Variants in DHX9 observed in about 807,000 individuals in gnomAD.
DHX9 encodes DExH-box helicase 9, also known as ATP-dependent RNA helicase A.
Under a neutral mutation model 148.7 loss-of-function variants are expected in DHX9, and 27 were observed. The observed-to-expected ratio is 0.18, with a 90% CI of 0.13 to 0.25. The LOEUF is 0.25. Among genes scored for constraint, DHX9 ranks in the 10% least tolerant of loss-of-function variants. The probability of loss-of-function intolerance (pLI) is 1.00; values close to 1 mark genes in which losing one functional copy is unlikely to be tolerated. For missense variants in DHX9, 796 were observed against 1,559.6 expected, an observed-to-expected ratio of 0.51 and a Z score of 8.25; for synonymous variants, 529 against 516.6, an observed-to-expected ratio of 1.02 and a Z score of -0.33.
chr1:182,849,781 C>G (rs1668098071), intron 3 of DHX9, among the ~76,000 whole-genome samples: 1 of 152,022 alleles, frequency 6.6e-6, no homozygotes, highest in South Asian at 2.1e-4. Context: ...TTTCTCTGTA[C>G]TGCCTCTACA....
chr1:182,856,472 C>G, intron 6 of DHX9, 60 bp from the exon 7 acceptor site: 2 of 1,491,912 alleles, frequency 1.3e-6, no homozygotes, highest in South Asian at 1.2e-5. Flanking sequence ...ACTTGGGAGA[C>G]CTGGATTTGC....
Position 182,854,092 on chromosome 1 carries a change from T to C in DHX9, c.540T>C (p.Asn180=). 1 of 1,613,492 alleles carries C rather than the reference T, an allele frequency of 6.2e-7. No homozygotes were observed. The highest frequency in any genetic ancestry group is 1.1e-5 in the South Asian group (1 of 91,052). The stretch of plus-strand genomic sequence containing the variant: ...TTCATGGAAACTGGACCTTGGAAAA[T>C]GCTAAAGCTCGTCTAAACCAATATT... ...AGLHGNWTLE[N]AKARLNQYFQ... is the part of the protein sequence containing the mutation. Residue 180 remains asparagine (N), a synonymous_variant, in exon 6 of 28, where the codon AAT becomes AAC. Coordinates refer to ENST00000367549, the MANE Select transcript of DHX9 (RefSeq NM_001357.5).
chr1:182,879,635 G>T (rs980920136), intron 21 of DHX9, among the ~76,000 whole-genome samples: 2 of 152,092 alleles, frequency 1.3e-5, no homozygotes, highest in Non-Finnish European at 2.9e-5. Context: ...AAAAAGAAAA[G>T]AAAACTTAAA....
chr1:182,874,672 G>A (rs1648684219), intron 15 of DHX9, among the ~76,000 whole-genome samples, 182 bp from the exon 16 acceptor site: 1 of 152,196 alleles, frequency 6.6e-6, no homozygotes, highest in African/African-American at 2.4e-5. Context: ...AGGTCTAAGA[G>A]AGGGAAACAC....
intron 3 of DHX9, among the ~76,000 whole-genome samples, chr1:182,851,663 A>G (rs1238508887): frequency 6.6e-6 from 1 of 152,202 alleles, no homozygotes; most frequent in Admixed American, 6.5e-5. Context: ...GGGTTTAAGA[A>G]TTCAGAATTT....
chr1:182,872,259 G>C (rs181846104), intron 14 of DHX9, 78 bp from the exon 15 acceptor site: 2 of 1,194,954 alleles, frequency 1.7e-6, no homozygotes, highest in South Asian at 1.5e-5. Context: ...ATGTCTTATG[G>C]CTGTATAACT....
At chr1:182,884,923 G>C (rs1463235535) in intron 27 of DHX9, 110 bp downstream of exon 27, 1 of 934,378 alleles carries the variant, frequency 1.1e-6, no homozygotes, top group Non-Finnish European at 1.7e-6. Flanking sequence ...TAAAATTCTA[G>C]ATATAGATAG....
rs1649034425 is a variant in DHX9 at position 182,880,415 on chromosome 1, T to C, written c.2513-82T>C. ...ACAAAAGAGGAACTCTAAACTGTCT[T>C]AACCTTAATTTAGAGTAATGTTTTG... On this transcript the variant is annotated intron_variant, in intron 21 of 27. Coordinates refer to ENST00000367549, the MANE Select transcript of DHX9 (RefSeq NM_001357.5). 7 of 918,444 alleles carry C rather than the reference T, an allele frequency of 7.6e-6. No homozygotes were observed. The South Asian group carries it at 1.1e-4, about 14-fold the overall frequency. 56.9% of individuals were successfully genotyped at this position (918,444 alleles called of 1,614,324 possible).
chr1:182,853,496 A>G, intron 5 of DHX9, 78 bp downstream of exon 5: 1 of 1,069,524 alleles, frequency 9.3e-7, no homozygotes, highest in Non-Finnish European at 1.4e-6. Flanking sequence ...GGATTAGGAT[A>G]TTCACAAGTT....
At chr1:182,872,592 A>G (rs1224532873) in intron 15 of DHX9, 99 bp downstream of exon 15, 3 of 1,288,582 alleles carry the variant, frequency 2.3e-6, no homozygotes, top group Non-Finnish European at 3.2e-6. Context: ...AATACTTAAA[A>G]TACAGGACAA....
In DHX9 at chr1:182,885,263, C is replaced by T. The variant is rs115397684; in HGVS notation, c.3461+450C>T. ...TATCTTAAAGAAATGAGAAATTTAT[C>T]TTAATTCTTAAAATTTTTATTTGCT... On this transcript the variant is annotated intron_variant, in intron 27 of 27. Transcript: ENST00000367549. Among the ~76,000 whole-genome samples, 999 of 152,194 alleles carry T rather than the reference C, an allele frequency of 6.6e-3. 4 individuals carry two copies. The highest frequency in any genetic ancestry group is 0.01 in the Non-Finnish European group (702 of 68,000).
At position 182,883,386 on chromosome 1, in the gene DHX9, A is replaced by G. The variant is rs1318817776; in HGVS notation, c.3144+18A>G. ...GTGAAAAGGTAAGAAAAGACTAGAAAAGTTTACATTGAAAGTTGAAATTGT... is the reference window on the plus strand; with the variant it reads ...GTGAAAAGGTAAGAAAAGACTAGAAGAGTTTACATTGAAAGTTGAAATTGT... On this transcript the variant is annotated intron_variant, in intron 25 of 27. Coordinates refer to ENST00000367549, the MANE Select transcript of DHX9 (RefSeq NM_001357.5). The G allele has an allele frequency of 1.9e-6, 3 of 1,605,564 alleles. No homozygotes were observed. Among genetic ancestry groups the G allele is most frequent in the African/African-American group, 1.3e-5 (1 of 74,606 alleles).
chr1:182,880,701 A>C (rs1571321620), intron 22 of DHX9, 93 bp downstream of exon 22: 1 of 729,226 alleles, frequency 1.4e-6, no homozygotes, highest in Non-Finnish European at 2.2e-6. Flanking sequence ...CAGATAGACA[A>C]AAAAAAAATC....
At position 182,878,012 on chromosome 1, in the gene DHX9, C is replaced by T. The variant is rs544968862; in HGVS notation, c.2199-9C>T. 1.1e-5 allele frequency: 17 copies of T among 1,613,064 alleles called. No individual in the cohort carries two copies. The East Asian group carries it at 3.3e-4, about 32-fold the overall frequency. ...TGAGTCTTAGAATTAACCACTTTTT[C>T]CTATGTAGGCAGAAAGTGAAACTCT... On this transcript the variant is annotated splice_polypyrimidine_tract_variant and intron_variant, in intron 19 of 27. Transcript: ENST00000367549.
chr1:182,872,137 G>C (rs1283746958), intron 14 of DHX9, among the ~76,000 whole-genome samples, 200 bp from the exon 15 acceptor site: 1 of 152,124 alleles, frequency 6.6e-6, no homozygotes, highest in Non-Finnish European at 1.5e-5. Context: ...CAACTATTAG[G>C]CTACAACTGT....
chr1:182,878,718 G>A lies in DHX9; in HGVS notation c.2352-532G>A, dbSNP rs181262489. On this transcript the variant is annotated intron_variant, in intron 20 of 27. Transcript: ENST00000367549. ...AATATTTGCATTGTATTTACCAGTC[G>A]GGCATCCCTAATCTGAAAATATGAA... is the stretch of plus-strand genomic sequence containing the variant. 6.4e-3 allele frequency among the ~76,000 whole-genome samples: 974 copies of A among 152,188 alleles called. 13 individuals carry two copies. The highest frequency in any genetic ancestry group is 0.056 in the South Asian group (272 of 4,820).
intron 14 of DHX9, among the ~76,000 whole-genome samples, chr1:182,868,520 C>CTTTTTTT (rs59218081): frequency 9.4e-5 from 12 of 127,518 alleles, no homozygotes; most frequent in African/African-American, 2.9e-4. Flanking sequence ...ATTTTAATTC[C>CTTTTTTT]TTTTTTTTTT....
chr1:182,886,415 C>T (rs1649334476), intron 27 of DHX9, among the ~76,000 whole-genome samples: 1 of 152,126 alleles, frequency 6.6e-6, no homozygotes, highest in South Asian at 2.1e-4. Context: ...AGGCTAGTCT[C>T]TAACTCCTGA....
intron 1 of DHX9, among the ~76,000 whole-genome samples, chr1:182,840,779 A>G (rs895730398): frequency 5.3e-5 from 8 of 152,332 alleles, no homozygotes; most frequent in Admixed American, 6.5e-5. Context: ...GGGTTCTACA[A>G]GGGATAGCTA....
Sources: gnomAD v4.1 joint callset for allele counts (sites outside exome capture counted in the v4.1 genomes callset) on GRCh38, gnomAD v4.1.1 for gene constraint, MANE v1.5 for transcripts, NCBI Gene and HGNC (gene_info 2026-07-23, HGNC 2026-07-21) for gene names.